Variants in STPG2 observed in about 807,000 individuals in gnomAD.
STPG2 encodes sperm tail PG-rich repeat containing 2.
STPG2 carries 56 observed loss-of-function variants against 54.2 expected under a neutral mutation model. The observed-to-expected ratio is 1.03, with a 90% CI of 0.83 to 1.29. The LOEUF (loss-of-function observed/expected upper bound fraction) is 1.29, where lower values mean the gene tolerates loss of function less well. Among genes scored for constraint, STPG2 ranks in the 50% most tolerant of loss-of-function variants. The probability of loss-of-function intolerance (pLI) is 0.00; values close to 1 mark genes in which losing one functional copy is unlikely to be tolerated. For synonymous variants in STPG2, 200 were observed against 181.8 expected (o/e 1.10, Z -0.81); for missense variants, 596 against 544.9 (o/e 1.09, Z -0.93).
chr4:97,452,229 C>G (rs1324505352), intron 4 of STPG2, among the ~76,000 whole-genome samples: 1 of 151,702 alleles, frequency 6.6e-6, no homozygotes, highest in East Asian at 2.0e-4. Context: ...CCCTCATGCC[C>G]TCACAGGCTC....
chr4:97,745,779 G>T (rs1725405229), intron 9 of STPG2, among the ~76,000 whole-genome samples: 2 of 151,186 alleles, frequency 1.3e-5, no homozygotes, highest in Non-Finnish European at 1.5e-5. Flanking sequence ...TACCATATGT[G>T]CTTATGATTT....
intron 9 of STPG2, among the ~76,000 whole-genome samples, chr4:97,838,794 C>G (rs1286723527): frequency 6.6e-6 from 1 of 151,504 alleles, no homozygotes; most frequent in Non-Finnish European, 1.5e-5. Flanking sequence ...ACAATATCTA[C>G]ATGTCAGAAG....
At chr4:97,816,854 T>TTCTTTC (rs1332749868) in intron 9 of STPG2, among the ~76,000 whole-genome samples, 1 of 151,116 alleles carries the variant, frequency 6.6e-6, no homozygotes, top group Non-Finnish European at 1.5e-5. Context: ...CCTCCTTCCT[T>TTCTTTC]TCTTTCTCTT....
At chr4:97,985,949 AAC>A (rs72477988) in intron 5 of STPG2, among the ~76,000 whole-genome samples, 19,813 of 144,176 alleles carry the variant, frequency 0.14, 1,991 homozygotes, top group African/African-American at 0.28. Flanking sequence ...AGCGCACACA[AAC>A]ACACACACAC....
chr4:97,648,708 A>T (rs1721982152), intron 10 of STPG2, among the ~76,000 whole-genome samples: 2 of 152,124 alleles, frequency 1.3e-5, no homozygotes, highest in African/African-American at 4.8e-5. Context: ...AAGGGTAATA[A>T]TGTCTTCCTT....
chr4:97,746,368 C>G (rs1725421411), intron 9 of STPG2, among the ~76,000 whole-genome samples: 2 of 151,134 alleles, frequency 1.3e-5, no homozygotes, highest in Non-Finnish European at 3.0e-5. Flanking sequence ...ATTATTTGTT[C>G]CCCTGTTTTA....
chr4:97,661,215 G>C (rs1722367585), intron 10 of STPG2, among the ~76,000 whole-genome samples: 1 of 152,084 alleles, frequency 6.6e-6, no homozygotes, highest in African/African-American at 2.4e-5. Flanking sequence ...AAGAGAAAAA[G>C]TTACATATAG....
Position 97,478,913 on chromosome 4 carries a change from G to A in STPG2, c.462+233786C>T, listed in dbSNP as rs924656704. On this transcript the variant is annotated intron_variant, in intron 4 of 4. Coordinates refer to the STPG2 transcript ENST00000522676. ...TGTGTGTGTGTGTGTGTGTGTGTGT[G>A]TGTGTGTACTTTATATGTGAAAGAC... 4.1e-5 allele frequency among the ~76,000 whole-genome samples: 6 copies of A among 145,472 alleles called. No individual in the cohort carries two copies. In the South Asian group the frequency reaches 1.1e-3, roughly 26 times the overall value.
chr4:97,843,621 C>A (rs1560550423), intron 8 of STPG2, among the ~76,000 whole-genome samples: 1 of 151,730 alleles, frequency 6.6e-6, no homozygotes, highest in Non-Finnish European at 1.5e-5. Context: ...AAACGGAATT[C>A]CCTAGTATTT....
At chr4:97,684,190 A>G (rs887183026) in intron 10 of STPG2, among the ~76,000 whole-genome samples, 2 of 152,086 alleles carry the variant, frequency 1.3e-5, no homozygotes, top group South Asian at 4.1e-4. Flanking sequence ...CTATAGATAC[A>G]ATGCATTCCC....
At chr4:97,670,137 A>G (rs1024990085) in intron 10 of STPG2, among the ~76,000 whole-genome samples, 2 of 152,140 alleles carry the variant, frequency 1.3e-5, no homozygotes, top group Non-Finnish European at 2.9e-5. Flanking sequence ...TTTGATGAGC[A>G]ATAAAGTTTC....
intron 10 of STPG2, among the ~76,000 whole-genome samples, chr4:97,637,593 T>G (rs144631601): frequency 1.3e-5 from 2 of 152,066 alleles, no homozygotes; most frequent in Non-Finnish European, 2.9e-5. Flanking sequence ...TCTAGAAAAC[T>G]CCATCGTCTC....
chr4:98,001,283 T>C (rs1735407825), intron 5 of STPG2, among the ~76,000 whole-genome samples: 2 of 151,834 alleles, frequency 1.3e-5, no homozygotes, highest in Non-Finnish European at 2.9e-5. Flanking sequence ...TCTATACAAA[T>C]AGCTTGTATA....
chr4:97,634,674 C>T (rs1355657195), intron 10 of STPG2, among the ~76,000 whole-genome samples: 1 of 151,516 alleles, frequency 6.6e-6, no homozygotes, highest in South Asian at 2.1e-4. Flanking sequence ...AACCAAGGCT[C>T]GAGAACTAGG....
chr4:98,045,104 A>G (rs77092209), intron 5 of STPG2, among the ~76,000 whole-genome samples: 2 of 53,156 alleles, frequency 3.8e-5, no homozygotes, highest in African/African-American at 8.9e-5. Flanking sequence ...TTTAAAAGGA[A>G]AAAAAAAAAA....
At chr4:97,873,382 C>T (rs1730059766) in intron 8 of STPG2, among the ~76,000 whole-genome samples, 1 of 151,406 alleles carries the variant, frequency 6.6e-6, no homozygotes, top group Admixed American at 6.6e-5. Context: ...ACCAGACCTC[C>T]TAAATACAGT....
chr4:97,517,403 A>G (rs1012362424), intron 4 of STPG2, among the ~76,000 whole-genome samples: 1 of 152,096 alleles, frequency 6.6e-6, no homozygotes, highest in Non-Finnish European at 1.5e-5. Context: ...GGAAGCTACA[A>G]TGACAAACAT....
At chr4:97,468,309 A>G (rs1729837602) in intron 4 of STPG2, among the ~76,000 whole-genome samples, 1 of 152,008 alleles carries the variant, frequency 6.6e-6, no homozygotes, top group Non-Finnish European at 1.5e-5. Flanking sequence ...ATACATATCT[A>G]TACCTAACCA....
At chr4:97,647,992 T>C (rs1721957920) in intron 10 of STPG2, among the ~76,000 whole-genome samples, 1 of 152,152 alleles carries the variant, frequency 6.6e-6, no homozygotes, top group Non-Finnish European at 1.5e-5. Context: ...TCTGAGAGTT[T>C]GGTCAGCAAT....
Sources: gnomAD v4.1 joint callset for allele counts (sites outside exome capture counted in the v4.1 genomes callset) on GRCh38, gnomAD v4.1.1 for gene constraint, MANE v1.5 for transcripts, NCBI Gene and HGNC (gene_info 2026-07-23, HGNC 2026-07-21) for gene names.